The following ADAMTS17 variants were observed in gnomAD, a reference collection of about 807,000 sequenced individuals.
ADAMTS17 encodes the protein A disintegrin and metalloproteinase with thrombospondin motifs 17.
In ADAMTS17, 113 loss-of-function variants were observed where a neutral mutation model predicts 141.5. The ratio of observed to expected loss-of-function variants is 0.80; its 90% confidence interval spans 0.69 to 0.93. The LOEUF is 0.93. ADAMTS17 is among the 40% of genes least tolerant of loss of function. The pLI, the probability that ADAMTS17 is intolerant of heterozygous loss-of-function variation, is 0.00. For missense variants in ADAMTS17, 1,659 were observed against 1,517.9 expected (o/e 1.09, Z -1.54); for synonymous variants, 768 against 630.6 (o/e 1.22, Z -3.27).
rs556800178 is a variant in ADAMTS17, at chr15:100,091,010, CA to C, written c.2137+5345del. ...GAGGCAGAGTGAGACTCCGTCTCAA[CA>C]AAAAAAAAAAAAAAAAAGGGTAACC... On this transcript the variant is annotated intron_variant, in intron 15 of 21. Coordinates refer to ENST00000268070, the MANE Select transcript of ADAMTS17 (RefSeq NM_139057.4). Among the ~76,000 whole-genome samples the C allele has an allele frequency of 3.5e-3, 192 of 54,592 alleles. 1 individual carries two copies. The highest frequency in any genetic ancestry group is 0.013 in the Middle Eastern group (1 of 76). 35.8% of individuals were successfully genotyped at this position (54,592 alleles called of 152,430 possible).
At chr15:100,127,206 T>C (rs2037783299) in intron 12 of ADAMTS17, among the ~76,000 whole-genome samples, 1 of 152,046 alleles carries the variant, frequency 6.6e-6, no homozygotes, top group Admixed American at 6.5e-5. Flanking sequence ...AATGAGACCT[T>C]ATTTGGCAAA....
chr15:100,284,968 G>A (rs2044399593), intron 3 of ADAMTS17, among the ~76,000 whole-genome samples: 1 of 152,190 alleles, frequency 6.6e-6, no homozygotes, highest in Non-Finnish European at 1.5e-5. Flanking sequence ...AATGAAGGGT[G>A]GCTCTCGCCC....
chr15:100,248,982 A>G (rs2043069702), intron 7 of ADAMTS17, among the ~76,000 whole-genome samples: 1 of 152,066 alleles, frequency 6.6e-6, no homozygotes, highest in South Asian at 2.1e-4. Context: ...TATTTTTAGT[A>G]GAGACAGAGT....
At chr15:100,318,157 G>C (rs948626921) in intron 3 of ADAMTS17, among the ~76,000 whole-genome samples, 1 of 152,094 alleles carries the variant, frequency 6.6e-6, no homozygotes, top group Non-Finnish European at 1.5e-5. Flanking sequence ...ACACGCCTGA[G>C]TCCAAGGAAT....
At chr15:100,208,263 T>A (rs1341392581) in intron 7 of ADAMTS17, among the ~76,000 whole-genome samples, 1 of 152,224 alleles carries the variant, frequency 6.6e-6, no homozygotes, top group Non-Finnish European at 1.5e-5. Flanking sequence ...ATTCCGGGTG[T>A]GCAGAACCAA....
chr15:99,997,356 G>T lies in ADAMTS17; in HGVS notation c.2796+29C>A. The T allele has an allele frequency of 2.5e-6, 4 of 1,612,930 alleles. No homozygotes were observed. Among genetic ancestry groups the T allele is most frequent in the Non-Finnish European group, 3.4e-6 (4 of 1,179,580 alleles). On this transcript the variant is annotated intron_variant, in intron 19 of 21. Coordinates refer to ENST00000268070, the MANE Select transcript of ADAMTS17 (RefSeq NM_139057.4). This position sits in a 1 kb window ranked among gnomAD's most constrained non-coding sequence, Gnocchi z 4.7. ...GCACCGTGTTGGAGTCCCTGTGGCT[G>T]AGTCCTGGTGGCAAGCCCAGGCACC...
At chr15:100,299,622 G>T (rs1441407510) in intron 3 of ADAMTS17, among the ~76,000 whole-genome samples, 1 of 152,080 alleles carries the variant, frequency 6.6e-6, no homozygotes, top group East Asian at 1.9e-4. Flanking sequence ...AGCCTGAAAA[G>T]AAATCGACGG....
intron 7 of ADAMTS17, among the ~76,000 whole-genome samples, chr15:100,212,035 C>T (rs2041824679): frequency 6.6e-6 from 1 of 152,164 alleles, no homozygotes; most frequent in Admixed American, 6.5e-5. Flanking sequence ...TGCCCACCCA[C>T]CTGTCCCTGC....
chr15:100,331,316 G>A (rs1027960210), intron 2 of ADAMTS17, among the ~76,000 whole-genome samples: 1 of 152,178 alleles, frequency 6.6e-6, no homozygotes, highest in Admixed American at 6.5e-5. Flanking sequence ...GGCTTTCAGA[G>A]AAGATGAACT....
chr15:100,212,166 G>A (rs2041829763), intron 7 of ADAMTS17, among the ~76,000 whole-genome samples: 1 of 152,184 alleles, frequency 6.6e-6, no homozygotes, highest in African/African-American at 2.4e-5. Flanking sequence ...GGAAACTGAG[G>A]CACCAAGAGG....
chr15:100,119,465 T>C (rs1002169284), intron 12 of ADAMTS17, among the ~76,000 whole-genome samples: 1 of 152,192 alleles, frequency 6.6e-6, no homozygotes, highest in Non-Finnish European at 1.5e-5. Flanking sequence ...CACTTGAGTA[T>C]AGACTCTGAT....
intron 18 of ADAMTS17, among the ~76,000 whole-genome samples, chr15:100,029,680 C>A (rs968765622): frequency 2.0e-5 from 3 of 152,192 alleles, no homozygotes; most frequent in Non-Finnish European, 2.9e-5. Flanking sequence ...TAACCGACTA[C>A]CTTTCCCTCC....
chr15:100,256,952 C>CA (rs1950255648), intron 6 of ADAMTS17: 1 of 152,692 alleles, frequency 6.5e-6, no homozygotes, highest in East Asian at 1.9e-4. Flanking sequence ...AACCCAGCTT[C>CA]AACCGCTTCT....
intron 7 of ADAMTS17, among the ~76,000 whole-genome samples, chr15:100,241,921 G>C (rs964218109): frequency 7.9e-5 from 12 of 152,136 alleles, no homozygotes; most frequent in African/African-American, 1.9e-4. Flanking sequence ...GCCCAGATTC[G>C]GTCTCTGGTA....
At chr15:100,061,539 T>G (rs1321344588) in intron 15 of ADAMTS17, among the ~76,000 whole-genome samples, 1 of 152,094 alleles carries the variant, frequency 6.6e-6, no homozygotes, top group Non-Finnish European at 1.5e-5. Context: ...GGCCTTAAAG[T>G]GAATGTGAGT....
chr15:100,113,691 C>G (rs970796318), intron 13 of ADAMTS17, among the ~76,000 whole-genome samples: 3 of 152,222 alleles, frequency 2.0e-5, no homozygotes, highest in Non-Finnish European at 4.4e-5. Flanking sequence ...GACCACAGAG[C>G]TAAGGTCCTG....
intron 3 of ADAMTS17, among the ~76,000 whole-genome samples, chr15:100,287,922 GC>G (rs1210053642): frequency 6.6e-6 from 1 of 152,188 alleles, no homozygotes; most frequent in African/African-American, 2.4e-5. Flanking sequence ...TAAGTAGATA[GC>G]CATTGACACT....
At chr15:100,109,738 T>C (rs959297443) in intron 13 of ADAMTS17, among the ~76,000 whole-genome samples, 4 of 152,126 alleles carry the variant, frequency 2.6e-5, no homozygotes, top group African/African-American at 9.7e-5. Context: ...GGGTTTCCCC[T>C]ACTCCTAAAA....
At chr15:100,326,788 A>AC (rs1476524605) in intron 3 of ADAMTS17, among the ~76,000 whole-genome samples, 1 of 152,142 alleles carries the variant, frequency 6.6e-6, no homozygotes, top group Non-Finnish European at 1.5e-5. Flanking sequence ...AGAACGTTTG[A>AC]CCCCCTCATC....
Sources: gnomAD v4.1 joint callset for allele counts (sites outside exome capture counted in the v4.1 genomes callset) on GRCh38, gnomAD v4.1.1 for gene constraint, Gnocchi (gnomAD v3.1) non-coding constraint, MANE v1.5 for transcripts, NCBI Gene and HGNC (gene_info 2026-07-23, HGNC 2026-07-21) for gene names.